ZNF517: variants seen among roughly 807,000 people sequenced by gnomAD.
ZNF517 encodes the protein zinc finger protein 517.
Under a neutral mutation model 12.1 loss-of-function variants are expected in ZNF517, and 12 were observed. The ratio of observed to expected loss-of-function variants is 0.99; its 90% CI spans 0.63 to 1.61. ZNF517 has a LOEUF of 1.61. Ranked by LOEUF, ZNF517 falls within the 40% of genes most tolerant of loss-of-function variation. The probability of loss-of-function intolerance (pLI) is 0.00; values close to 1 mark genes in which losing one functional copy is unlikely to be tolerated. For missense variants in ZNF517, 781 were observed against 693.2 expected, an observed-to-expected ratio of 1.13 and a Z score of -1.42; for synonymous variants, 388 against 310.2, an observed-to-expected ratio of 1.25 and a Z score of -2.63.
intron 1 of ZNF517, among the ~76,000 whole-genome samples, chr8:144,799,827 C>G (rs1297115962): frequency 3.3e-5 from 5 of 152,212 alleles, no homozygotes; most frequent in Admixed American, 6.5e-5. Flanking sequence ...GTAGTCCCAG[C>G]TACTCGGGAG....
In ZNF517 at chr8:144,803,779, T is replaced by C; in HGVS notation, c.160+12T>C. On this transcript the variant is annotated intron_variant, in intron 3 of 4. Coordinates refer to ENST00000359971, the MANE Select transcript of ZNF517 (RefSeq NM_213605.3). ...CCTGGCCTCACTAGGTGAGGGCTTCTGCCTTTGGTCCTGGGGCCGGGAGGT... is the reference window on the plus strand; with the variant it reads ...CCTGGCCTCACTAGGTGAGGGCTTCCGCCTTTGGTCCTGGGGCCGGGAGGT... The C allele has an allele frequency of 1.2e-6, 2 of 1,612,362 alleles. No homozygotes were observed. The highest frequency in any genetic ancestry group is 1.7e-6 in the Non-Finnish European group (2 of 1,178,802).
At chr8:144,812,955 C>CA (rs1407159178), downstream of ZNF517, among the ~76,000 whole-genome samples, 23 of 151,524 alleles carry the variant, frequency 1.5e-4, 1 homozygote, top group African/African-American at 3.4e-4. Context: ...ACCAAACTAC[C>CA]AAAAAAAACC....
At chr8:144,804,053 C>T (rs775474636) in intron 3 of ZNF517, 72 bp from the exon 4 acceptor site, 71 of 1,463,544 alleles carry the variant, frequency 4.9e-5, no homozygotes, top group Non-Finnish European at 6.1e-5. Context: ...CCCTGATGGC[C>T]TCCAGCCAGG....
intron 4 of ZNF517, among the ~76,000 whole-genome samples, chr8:144,804,828 C>T (rs976173241): frequency 2.6e-5 from 4 of 152,194 alleles, no homozygotes; most frequent in Admixed American, 6.5e-5. Context: ...GGACAGCTTA[C>T]GCCATTATTT....
At chr8:144,811,206 C>G (rs1401395247), downstream of ZNF517, 1 of 152,354 alleles carries the variant, frequency 6.6e-6, no homozygotes, top group Non-Finnish European at 1.5e-5. Flanking sequence ...ATCTTGGACA[C>G]GATCCACTTA....
Position 144,807,465 on chromosome 8 carries a change from C to T in ZNF517, c.549C>T (p.Gly183=), listed in dbSNP as rs373048514. The T allele has an allele frequency of 6.3e-7, 1 of 1,579,060 alleles. No homozygotes were observed. The highest frequency in any genetic ancestry group is 8.6e-7 in the Non-Finnish European group (1 of 1,163,092). ...SSAPRYRCVC[G]KAFRYNSLLL... ...CCCCCCGCTACAGGTGCGTGTGCGG[C>T]AAGGCGTTCAGATACAACTCGCTGC... The change falls in exon 5 of 5, where the codon GGC becomes GGT. Residue 183 remains glycine, a synonymous_variant. Coordinates refer to ENST00000359971, the MANE Select transcript of ZNF517 (RefSeq NM_213605.3).
rs975969996 is a variant in ZNF517, at chr8:144,808,524, G to T, written c.*129G>T. 5 of 1,257,800 alleles carry T rather than the reference G, an allele frequency of 4.0e-6. No homozygotes were observed. Among genetic ancestry groups the T allele is most frequent in the South Asian group, 2.7e-5 (1 of 36,800 alleles). The allele number at this position is 1,257,800 out of a possible 1,614,324, so 77.9% of individuals were successfully genotyped here. Reference sequence around the variant, plus strand: ...CTAAAGAAAGGGCCAGCTCCCATCAGGAGCTCGGCTTCTTGCTCCAGCCGG... The same window carrying T: ...CTAAAGAAAGGGCCAGCTCCCATCATGAGCTCGGCTTCTTGCTCCAGCCGG... On this transcript the variant is annotated 3_prime_UTR_variant, in exon 5 of 5. Coordinates refer to ENST00000359971, the MANE Select transcript of ZNF517 (RefSeq NM_213605.3).
intron 1 of ZNF517, among the ~76,000 whole-genome samples, chr8:144,801,794 G>A (rs955837139): frequency 6.6e-6 from 1 of 152,216 alleles, no homozygotes; most frequent in Admixed American, 6.5e-5. Flanking sequence ...CACTTTGGGA[G>A]ACCGAGGCAA....
At chr8:144,800,892 C>T (rs1586759207) in intron 1 of ZNF517, among the ~76,000 whole-genome samples, 1 of 150,942 alleles carries the variant, frequency 6.6e-6, no homozygotes, top group Non-Finnish European at 1.5e-5. Context: ...TGGAGTGCAG[C>T]GGGGCACACT....
At chr8:144,810,849 A>G (rs2958511), downstream of ZNF517, 151,757 of 152,930 alleles carry the variant, frequency 0.99, 75,299 homozygotes, top group Middle Eastern at 1. Context: ...TCCAGACGTC[A>G]GCACCCAAGG....
At chr8:144,801,250 C>T (rs1826944073) in intron 1 of ZNF517, among the ~76,000 whole-genome samples, 1 of 152,220 alleles carries the variant, frequency 6.6e-6, no homozygotes, top group Non-Finnish European at 1.5e-5. Context: ...CACCCAAACA[C>T]AAGAGCTCAA....
chr8:144,812,302 G>C (rs1392645662), downstream of ZNF517, among the ~76,000 whole-genome samples: 656 of 100,680 alleles, frequency 6.5e-3, no homozygotes, highest in African/African-American at 0.02. Context: ...GGAGAGACAC[G>C]GACAGTAAAG....
chr8:144,808,011 C>T lies in ZNF517; in HGVS notation c.1095C>T (p.Asp365=). 1 of 1,575,764 alleles carries T rather than the reference C, an allele frequency of 6.3e-7. No individual in the cohort carries two copies. Among genetic ancestry groups the T allele is most frequent in the Non-Finnish European group, 8.6e-7 (1 of 1,161,154 alleles). Residue 365 remains aspartate (D), a synonymous_variant, in exon 5 of 5, where the codon GAC becomes GAT. Coordinates refer to ENST00000359971, the MANE Select transcript of ZNF517 (RefSeq NM_213605.3). Reference sequence around the variant, plus strand: ...CTGCGCAGAGGCCCCAGGCGGGGGACCCGCCCCACGAGTGCCCGGTGTGCG... The same window carrying T: ...CTGCGCAGAGGCCCCAGGCGGGGGATCCGCCCCACGAGTGCCCGGTGTGCG... ...LGAAQRPQAG[D]PPHECPVCGR... is the part of the protein sequence containing the mutation.
At position 144,808,316 on chromosome 8, in the gene ZNF517, T is replaced by G. The variant is rs1202204804; in HGVS notation, c.1400T>G (p.Leu467Arg). 2 of 1,522,200 alleles carry G rather than the reference T, an allele frequency of 1.3e-6. No individual in the cohort carries two copies. The highest frequency in any genetic ancestry group is 2.5e-5 in the South Asian group (2 of 78,906). 94.3% of individuals were successfully genotyped at this position (1,522,200 alleles called of 1,614,324 possible). A position where few individuals can be genotyped will look rare whatever the true frequency, so the allele number is the denominator to read the frequency against. ...CGRACSRLSTLIQHQKVHGRE... is the reference protein window; with the variant it reads ...CGRACSRLSTRIQHQKVHGRE... Reference sequence around the variant, plus strand: ...AGGGCCTGCAGCCGGCTGTCCACCCTCATCCAGCACCAGAAGGTGCACGGC... The same window carrying G: ...AGGGCCTGCAGCCGGCTGTCCACCCGCATCCAGCACCAGAAGGTGCACGGC... Residue 467 changes from leucine to arginine, a missense_variant, in exon 5 of 5, where the codon CTC (leucine) becomes CGC (arginine). Physicochemically the swap from Leu to Arg is moderately radical, Grantham distance 102. Transcript: ENST00000359971.
downstream of ZNF517, among the ~76,000 whole-genome samples, chr8:144,811,457 A>G (rs1337016978): frequency 1.5e-5 from 2 of 137,122 alleles, no homozygotes; most frequent in Non-Finnish European, 3.2e-5. Flanking sequence ...AGGGTGGGAG[A>G]GACACCGACA....
downstream of ZNF517, among the ~76,000 whole-genome samples, chr8:144,813,481 C>T (rs1049753232): frequency 6.6e-6 from 1 of 152,008 alleles, no homozygotes; most frequent in Non-Finnish European, 1.5e-5. Flanking sequence ...CTACCAAAAG[C>T]AATTTACAGA....
Position 144,807,300 on chromosome 8 carries a change from G to C in ZNF517, c.384G>C (p.Val128=), listed in dbSNP as rs113318407. ...GGTGCCTCCCCTGGGGGCACCCTGT[G>C]GGGGGGCACCCTGCACCACCCCACC... ...VWGCLPWGHP[V]GGHPAPPHPH... Residue 128 remains valine (V), a synonymous_variant, in exon 5 of 5, where the codon GTG becomes GTC. Coordinates refer to ENST00000359971, the MANE Select transcript of ZNF517 (RefSeq NM_213605.3). The C allele has an allele frequency of 5.5e-3, 8,587 of 1,551,206 alleles. 301 individuals are homozygous for C. In the African/African-American group the frequency reaches 0.085, roughly 15 times the overall value.
At chr8:144,800,692 G>A (rs1264228859) in intron 1 of ZNF517, 2 of 985,410 alleles carry the variant, frequency 2.0e-6, no homozygotes, top group Non-Finnish European at 2.4e-6. Flanking sequence ...TGCGTTTGCA[G>A]TCTGTGCCCT....
At position 144,808,727 on chromosome 8, in the gene ZNF517, C is replaced by T; in HGVS notation, c.*332C>T. ...ACAGGGGGCGCCACAGACGCATATGCAGCTGAGCTCCCCACAGGCCGGCCC... is the reference window on the plus strand; with the variant it reads ...ACAGGGGGCGCCACAGACGCATATGTAGCTGAGCTCCCCACAGGCCGGCCC... On this transcript the variant is annotated 3_prime_UTR_variant, in exon 5 of 5. Transcript: ENST00000359971. 4.4e-6 allele frequency: 1 copy of T among 229,288 alleles called. No homozygotes were observed. Among genetic ancestry groups the T allele is most frequent in the Admixed American group, 5.7e-5 (1 of 17,454 alleles). The allele number at this position is 229,288 out of a possible 1,614,324, so 14.2% of individuals were successfully genotyped here. A position where few individuals can be genotyped will look rare whatever the true frequency, so the allele number is the denominator to read the frequency against.
Sources: gnomAD v4.1 joint callset for allele counts (sites outside exome capture counted in the v4.1 genomes callset) on GRCh38, gnomAD v4.1.1 for gene constraint, MANE v1.5 for transcripts, NCBI Gene and HGNC (gene_info 2026-07-23, HGNC 2026-07-21) for gene names.